The following BCORL1 variants were observed in gnomAD, a reference collection of about 807,000 sequenced individuals.
The protein encoded by BCORL1 is BCL6 corepressor like 1, also known as BCL-6 corepressor-like protein 1.
Under a neutral mutation model 87.6 loss-of-function variants are expected in BCORL1, and 7 were observed. The observed-to-expected ratio is 0.08, with a 90% CI of 0.05 to 0.15. The LOEUF (loss-of-function observed/expected upper bound fraction) is 0.15, where lower values mean the gene tolerates loss of function less well. Among genes scored for constraint, BCORL1 ranks in the 10% least tolerant of loss-of-function variants. The pLI is 1.00. For missense variants in BCORL1, 1,215 were observed against 1,499.7 expected, an observed-to-expected ratio of 0.81 and a Z score of 3.13; for synonymous variants, 591 against 634.4, an observed-to-expected ratio of 0.93 and a Z score of 1.03.
In BCORL1 at chrX:129,985,016, G is replaced by A. The variant is rs368004843; in HGVS notation, c.-45+2254G>A. Reference sequence around the variant, plus strand: ...GGGGGCCCGGTAACTTTGTGCCACAGCTTGACTACTGTTAAGGCAGTTTGG... The same window carrying A: ...GGGGGCCCGGTAACTTTGTGCCACAACTTGACTACTGTTAAGGCAGTTTGG... On this transcript the variant is annotated intron_variant, in intron 1 of 13. Coordinates refer to ENST00000540052, the MANE Select transcript of BCORL1 (RefSeq NM_001379451.1). Among the ~76,000 whole-genome samples, 58 of 111,025 alleles carry A rather than the reference G, an allele frequency of 5.2e-4. 1 individual carries two copies. The South Asian group carries it at 0.02, about 38-fold the overall frequency.
chrX:130,037,224 A>G, intron 9 of BCORL1, 143 bp from the exon 10 acceptor site: 1 of 596,599 alleles, frequency 1.7e-6, no homozygotes, highest in Non-Finnish European at 2.7e-6. Context: ...TGATGTTGTT[A>G]ATGAAAGATT....
chrX:129,998,705 C>T (rs185692305), intron 1 of BCORL1, among the ~76,000 whole-genome samples: 50 of 111,566 alleles, frequency 4.5e-4, no homozygotes, highest in Non-Finnish European at 8.9e-4. Context: ...TCTCTAGGGC[C>T]GCTTTAGAGG....
intron 8 of BCORL1, 37 bp from the exon 9 acceptor site, chrX:130,034,418 G>GCCTGA: frequency 1.0e-6 from 1 of 952,993 alleles, no homozygotes. Flanking sequence ...AAGCTGCCTG[G>GCCTGA]CCTGACCTGA....
In BCORL1 at chrX:130,015,712, G is replaced by A. The variant is rs1302704914; in HGVS notation, c.2940G>A (p.Thr980=). 13 of 1,211,947 alleles carry A rather than the reference G, an allele frequency of 1.1e-5. No individual in the cohort carries two copies. Among genetic ancestry groups the A allele is most frequent in the South Asian group, 3.5e-5 (2 of 57,005 alleles). Residue 980 remains threonine (T), a synonymous_variant, in exon 4 of 14, where the codon ACG becomes ACA. Coordinates refer to ENST00000540052, the MANE Select transcript of BCORL1 (RefSeq NM_001379451.1). ...GTGGCCTGAAGCTGGCAGGAGACAC[G>A]AAGCCTAAGAACCAAGTGCTGGCCA... is the stretch of plus-strand genomic sequence containing the variant. ...GACGLKLAGD[T]KPKNQVLATY... is the part of the protein sequence containing the mutation.
chrX:129,982,987 C>A (rs1385902306), intron 1 of BCORL1, among the ~76,000 whole-genome samples: 2 of 105,665 alleles, frequency 1.9e-5, no homozygotes, highest in Non-Finnish European at 3.9e-5. Context: ...TTAAGCCTTT[C>A]TCCAACCCTG....
At chrX:129,991,501 A>ATTGTTT (rs1353162143) in intron 1 of BCORL1, among the ~76,000 whole-genome samples, 2 of 106,078 alleles carry the variant, frequency 1.9e-5, no homozygotes, top group African/African-American at 7.0e-5. Flanking sequence ...TGCCCGGACA[A>ATTGTTT]TTGTTTTTAT....
At chrX:129,999,768 G>A (rs779023891) in intron 1 of BCORL1, among the ~76,000 whole-genome samples, 2 of 108,779 alleles carry the variant, frequency 1.8e-5, no homozygotes, top group South Asian at 4.1e-4. Context: ...TCTGCCTCCC[G>A]GGTTCAAGCA....
At chrX:130,003,389 T>G (rs1928222757) in intron 1 of BCORL1, among the ~76,000 whole-genome samples, 1 of 107,294 alleles carries the variant, frequency 9.3e-6, no homozygotes, top group African/African-American at 3.4e-5. Context: ...TTTTTTTTTT[T>G]GAGACAGAGT....
At position 130,005,249 on chromosome X, in the gene BCORL1, G is replaced by A. The variant is rs1928391395; in HGVS notation, c.18G>A (p.Pro6=). ...TGGCTGTCATGATCTCTACAGCACCGCTCTACAGCGGCGTGCACAACTGGA... is the reference window on the plus strand; with the variant it reads ...TGGCTGTCATGATCTCTACAGCACCACTCTACAGCGGCGTGCACAACTGGA... MISTA[P]LYSGVHNWTS... Residue 6 remains proline (P), a synonymous_variant, in exon 2 of 14, where the codon CCG becomes CCA. Transcript: ENST00000540052. 5.8e-6 allele frequency: 7 copies of A among 1,209,907 alleles called. No individual in the cohort carries two copies. Among genetic ancestry groups the A allele is most frequent in the South Asian group, 1.8e-5 (1 of 56,785 alleles).
rs768138089 is a variant in BCORL1 at position 130,026,226 on chromosome X, T to A, written c.4078+847T>A. ...CAGCAATTGATTGCCTCCTATGATGTATTCATCCTGAGCTGCCGGTAAACA... is the reference window on the plus strand; with the variant it reads ...CAGCAATTGATTGCCTCCTATGATGAATTCATCCTGAGCTGCCGGTAAACA... On this transcript the variant is annotated intron_variant, in intron 7 of 13. Transcript: ENST00000540052. Among the ~76,000 whole-genome samples the A allele has an allele frequency of 2.7e-5, 3 of 112,411 alleles. No homozygotes were observed. The South Asian group carries it at 1.1e-3, about 41-fold the overall frequency.
rs1271951254 is a variant in BCORL1 at position 130,015,512 on chromosome X, C to T, written c.2740C>T (p.Pro914Ser). Residue 914 changes from proline to serine, a missense_variant, in exon 4 of 14, where the codon CCT (proline) becomes TCT (serine). By Grantham distance (74) the Pro-to-Ser change is moderately conservative. Around this residue, in one of 5 missense-constraint regions of BCORL1, gnomAD observed 861 missense variants for 1,010.0 expected, o/e 0.85. Coordinates refer to ENST00000540052, the MANE Select transcript of BCORL1 (RefSeq NM_001379451.1). ...CAAAACTTGCCGGATTGCTGCCAAG[C>T]CTTATGAAGAACAAGTCAATCCTGT... ...KNKTCRIAAK[P>S]YEEQVNPVLL... 8.3e-7 allele frequency: 1 copy of T among 1,211,030 alleles called. No individual in the cohort carries two copies. The highest frequency in any genetic ancestry group is 1.1e-6 in the Non-Finnish European group (1 of 895,432).
chrX:129,993,935 C>CA (rs1158253676), intron 1 of BCORL1, among the ~76,000 whole-genome samples: 2 of 109,593 alleles, frequency 1.8e-5, no homozygotes, highest in African/African-American at 6.6e-5. Flanking sequence ...CAGATGCCCC[C>CA]CCACCATGCC....
intron 1 of BCORL1, among the ~76,000 whole-genome samples, chrX:129,999,059 G>GT (rs1927789152): frequency 1.0e-5 from 1 of 95,996 alleles, no homozygotes; most frequent in Admixed American, 1.1e-4. Context: ...TATTTTTTGT[G>GT]GTTTTTTTTT....
intron 1 of BCORL1, among the ~76,000 whole-genome samples, chrX:130,003,374 C>CTTCTTCTTCTT (rs59660230): frequency 1.3e-3 from 118 of 91,495 alleles, no homozygotes; most frequent in African/African-American, 4.7e-3. Flanking sequence ...TCTTCTTCTT[C>CTTCTTCTTCTT]TTTTTTTTTT....
chrX:129,984,360 C>A, intron 1 of BCORL1, among the ~76,000 whole-genome samples: 1 of 97,454 alleles, frequency 1.0e-5, no homozygotes, highest in East Asian at 3.3e-4. Flanking sequence ...GTGGAGCCCC[C>A]GACGGGGGGC....
chrX:130,002,120 C>T (rs189121645), intron 1 of BCORL1, among the ~76,000 whole-genome samples: 2 of 109,122 alleles, frequency 1.8e-5, no homozygotes, highest in Non-Finnish European at 3.8e-5. Context: ...GGCTAGGGGA[C>T]GGTAGTGCCG....
At position 130,055,869 on chromosome X, in the gene BCORL1, C is replaced by T; in HGVS notation, c.5091C>T (p.Phe1697=). 8.3e-7 allele frequency: 1 copy of T among 1,206,847 alleles called. No individual in the cohort carries two copies. The highest frequency in any genetic ancestry group is 1.8e-5 in the South Asian group (1 of 55,935). ...GCCTTTGCAGGCCCTGCAACTGGTTCCTCTTTTCCGATGTCTTGAAGAGGC... is the reference window on the plus strand; with the variant it reads ...GCCTTTGCAGGCCCTGCAACTGGTTTCTCTTTTCCGATGTCTTGAAGAGGC... The part of the protein sequence containing the change: ...VSVSRGPCNW[F]LFSDVLKRLK... The change falls in exon 14 of 14, where the codon TTC becomes TTT. Residue 1697 remains phenylalanine, a synonymous_variant. Transcript: ENST00000540052.
intron 2 of BCORL1, among the ~76,000 whole-genome samples, chrX:130,011,985 G>A (rs1355430127): frequency 9.0e-6 from 1 of 111,445 alleles, no homozygotes; most frequent in African/African-American, 3.3e-5. Context: ...GCCTCCAAGT[G>A]GTATCATCAC....
chrX:129,992,166 G>A, intron 1 of BCORL1, among the ~76,000 whole-genome samples: 1 of 80 alleles, frequency 0.013, no homozygotes, highest in South Asian at 0.2. Context: ...GCCAGGCACA[G>A]TCGTCACGCC....
Sources: gnomAD v4.1 joint callset for allele counts (sites outside exome capture counted in the v4.1 genomes callset) on GRCh38, gnomAD v4.1.1 for gene constraint, gnomAD v4.1.1 regional missense constraint, MANE v1.5 for transcripts, NCBI Gene and HGNC (gene_info 2026-07-23, HGNC 2026-07-21) for gene names.